The following HS3ST3A1 variants were observed in gnomAD, a reference collection of about 807,000 sequenced individuals.
The protein encoded by HS3ST3A1 is heparan sulfate-glucosamine 3-sulfotransferase 3A1.
A neutral mutation model predicts 25.7 loss-of-function variants in HS3ST3A1; 19 were observed. The observed-to-expected ratio is 0.74, with a 90% CI of 0.52 to 1.08. The LOEUF is 1.08. HS3ST3A1 is among the 50% of genes least tolerant of loss of function. The pLI is 0.00. For synonymous variants in HS3ST3A1, 226 were observed against 278.6 expected (o/e 0.81, Z 1.88); for missense variants, 459 against 594.3 (o/e 0.77, Z 2.37).
chr17:13,584,705 C>A (rs116905507), intron 1 of HS3ST3A1, among the ~76,000 whole-genome samples: 2 of 152,082 alleles, frequency 1.3e-5, no homozygotes, highest in African/African-American at 4.8e-5. Flanking sequence ...GGTGCAGTAA[C>A]CAGGAAAAAA....
At chr17:13,537,920 G>T (rs1036140136) in intron 1 of HS3ST3A1, among the ~76,000 whole-genome samples, 1 of 152,202 alleles carries the variant, frequency 6.6e-6, no homozygotes, top group African/African-American at 2.4e-5. Flanking sequence ...CAATATTTCT[G>T]TAAGGTTAAA....
intron 1 of HS3ST3A1, among the ~76,000 whole-genome samples, chr17:13,584,566 AGAAG>A (rs959529549): frequency 7.3e-5 from 11 of 149,720 alleles, no homozygotes; most frequent in African/African-American, 2.8e-4. Flanking sequence ...AAGGAAGGAA[AGAAG>A]GAAGGAAGGA....
intron 1 of HS3ST3A1, among the ~76,000 whole-genome samples, chr17:13,599,824 A>C (rs543475547): frequency 4.6e-5 from 7 of 152,356 alleles, no homozygotes; most frequent in African/African-American, 1.7e-4. Flanking sequence ...AGGATTGAAG[A>C]TCTTTAGAAA....
At chr17:13,515,471 G>GTTTTTTTTTTTT (rs33924561) in intron 1 of HS3ST3A1, among the ~76,000 whole-genome samples, 4 of 107,792 alleles carry the variant, frequency 3.7e-5, no homozygotes, top group Non-Finnish European at 5.4e-5. Flanking sequence ...GTTTGTTTCA[G>GTTTTTTTTTTTT]TTTTTTTTTT....
At chr17:13,573,644 A>G (rs114574234) in intron 1 of HS3ST3A1, among the ~76,000 whole-genome samples, 2,652 of 152,278 alleles carry the variant, frequency 0.017, 71 homozygotes, top group African/African-American at 0.059. Context: ...AGAACCCTCT[A>G]TCCTCACAAT....
At chr17:13,595,907 A>C (rs184515913) in intron 1 of HS3ST3A1, among the ~76,000 whole-genome samples, 1 of 151,802 alleles carries the variant, frequency 6.6e-6, no homozygotes, top group African/African-American at 2.4e-5. Context: ...GCTCTGCAAC[A>C]CTCTTCTCAT....
chr17:13,553,244 T>G (rs1907288568), intron 1 of HS3ST3A1, among the ~76,000 whole-genome samples: 1 of 152,030 alleles, frequency 6.6e-6, no homozygotes, highest in Non-Finnish European at 1.5e-5. Context: ...TGAGGAGAGG[T>G]GTTCTGTAAG....
rs67951062 is a variant in HS3ST3A1, at chr17:13,496,169, A to AT, written c.*27dup. 427,246 of 1,422,978 alleles carry AT rather than the reference A, an allele frequency of 0.3. 53,840 individuals are homozygous for AT. The highest frequency in any genetic ancestry group is 0.63 in the African/African-American group (42,895 of 67,572). The allele number at this position is 1,422,978 out of a possible 1,614,324, so 88.1% of individuals were successfully genotyped here. Reference sequence around the variant, plus strand: ...TGGTAAAAAAATATATTATATTTTGATTTTTTTTTTCTTTTTAAATTATAT... The same window carrying AT: ...TGGTAAAAAAATATATTATATTTTGATTTTTTTTTTTCTTTTTAAATTATAT... On this transcript the variant is annotated 3_prime_UTR_variant, in exon 2 of 2. Transcript: ENST00000284110.
At chr17:13,563,260 G>A (rs145222472) in intron 1 of HS3ST3A1, among the ~76,000 whole-genome samples, 1 of 152,080 alleles carries the variant, frequency 6.6e-6, no homozygotes, top group Non-Finnish European at 1.5e-5. Flanking sequence ...GTTGGTCAGG[G>A]TATGGAAAGA....
intron 1 of HS3ST3A1, among the ~76,000 whole-genome samples, chr17:13,557,426 C>A (rs1365416239): frequency 1.3e-5 from 2 of 150,226 alleles, no homozygotes; most frequent in Non-Finnish European, 2.9e-5. Context: ...ACAAAGGCAC[C>A]TTTCAGAGGG....
intron 1 of HS3ST3A1, among the ~76,000 whole-genome samples, chr17:13,583,956 G>A (rs996859096): frequency 2.6e-5 from 4 of 152,100 alleles, no homozygotes; most frequent in South Asian, 2.1e-4. Context: ...GCTTTGCTTC[G>A]TTTTTGAGGA....
At chr17:13,546,662 C>G (rs1416209957) in intron 1 of HS3ST3A1, among the ~76,000 whole-genome samples, 1 of 152,174 alleles carries the variant, frequency 6.6e-6, no homozygotes, top group African/African-American at 2.4e-5. Context: ...CTCTCTTTAA[C>G]TACCTCCTTT....
intron 1 of HS3ST3A1, among the ~76,000 whole-genome samples, chr17:13,553,933 C>T (rs1467905538): frequency 6.6e-6 from 1 of 152,054 alleles, no homozygotes; most frequent in African/African-American, 2.4e-5. Flanking sequence ...ATACTGCTTA[C>T]AGATAGGAGC....
intron 1 of HS3ST3A1, among the ~76,000 whole-genome samples, chr17:13,588,444 C>G (rs535991916): frequency 5.1e-4 from 78 of 152,230 alleles, no homozygotes; most frequent in Middle Eastern, 3.4e-3. Flanking sequence ...TCTCAAGGGG[C>G]CCTGAAGCAC....
chr17:13,584,266 A>C (rs1424491004), intron 1 of HS3ST3A1, among the ~76,000 whole-genome samples: 1 of 152,194 alleles, frequency 6.6e-6, no homozygotes, highest in African/African-American at 2.4e-5. Flanking sequence ...CTTAGAATAG[A>C]CTGGTACAAG....
intron 1 of HS3ST3A1, among the ~76,000 whole-genome samples, chr17:13,569,484 G>A (rs114662163): frequency 0.017 from 2,538 of 152,224 alleles, 70 homozygotes; most frequent in African/African-American, 0.056. Flanking sequence ...GCATTGCTGC[G>A]AGACATGGCA....
chr17:13,576,262 G>T (rs989739552), intron 1 of HS3ST3A1, among the ~76,000 whole-genome samples: 3 of 152,222 alleles, frequency 2.0e-5, no homozygotes, highest in African/African-American at 7.2e-5. Context: ...GCTCAGCTCA[G>T]TGTATCTCTT....
At chr17:13,537,504 C>T (rs1363201256) in intron 1 of HS3ST3A1, among the ~76,000 whole-genome samples, 1 of 152,186 alleles carries the variant, frequency 6.6e-6, no homozygotes, top group Non-Finnish European at 1.5e-5. Flanking sequence ...CAACGTGAAG[C>T]TCTTATCATC....
chr17:13,576,726 T>C (rs1030633522), intron 1 of HS3ST3A1, among the ~76,000 whole-genome samples: 1 of 152,218 alleles, frequency 6.6e-6, no homozygotes, highest in Non-Finnish European at 1.5e-5. Flanking sequence ...AATTAATGCC[T>C]CTCCAGCAGT....
Sources: gnomAD v4.1 joint callset for allele counts (sites outside exome capture counted in the v4.1 genomes callset) on GRCh38, gnomAD v4.1.1 for gene constraint, MANE v1.5 for transcripts, NCBI Gene and HGNC (gene_info 2026-07-23, HGNC 2026-07-21) for gene names.